IL20RB: variants seen among roughly 807,000 people sequenced by gnomAD.
The protein encoded by IL20RB is interleukin 20 receptor subunit beta, also known as interleukin-20 receptor subunit beta.
Under a neutral mutation model 33.3 loss-of-function variants are expected in IL20RB, and 21 were observed. The ratio of observed to expected loss-of-function variants is 0.63; its 90% CI spans 0.45 to 0.91. IL20RB has a LOEUF of 0.91. Among genes scored for constraint, IL20RB ranks in the 40% least tolerant of loss-of-function variants. The pLI is 0.00. For missense variants in IL20RB, 345 were observed against 384.8 expected, an observed-to-expected ratio of 0.90 and a Z score of 0.86; for synonymous variants, 147 against 146.8, an observed-to-expected ratio of 1.00 and a Z score of -0.01.
At chr3:136,983,779 A>C (rs1941838590) in intron 3 of IL20RB, among the ~76,000 whole-genome samples, 1 of 152,242 alleles carries the variant, frequency 6.6e-6, no homozygotes, top group South Asian at 2.1e-4. Context: ...GCTGGAAATC[A>C]GTCCCTGAGG....
chr3:136,986,632 A>C, intron 3 of IL20RB: 1 of 456,188 alleles, frequency 2.2e-6, no homozygotes. Flanking sequence ...AAGCAGGCAT[A>C]AACACTTCTC....
At chr3:136,993,434 T>A (rs1401026146) in intron 5 of IL20RB, among the ~76,000 whole-genome samples, 1 of 152,212 alleles carries the variant, frequency 6.6e-6, no homozygotes, top group Non-Finnish European at 1.5e-5. Flanking sequence ...CATTCTTTTT[T>A]ATTATACTTT....
intron 6 of IL20RB, among the ~76,000 whole-genome samples, chr3:137,008,471 C>A (rs1461083892): frequency 6.6e-6 from 1 of 152,160 alleles, no homozygotes; most frequent in Non-Finnish European, 1.5e-5. Context: ...TATGAGAAAT[C>A]TCTTGATTTT....
In IL20RB at chr3:137,010,658, G is replaced by C. The variant is rs1933073506; in HGVS notation, c.*435G>C. ...ACAGTCTGACTGATTCAGTGTTTCT[G>C]GAGAGCAGGACATAAATGTATGATG... is the stretch of plus-strand genomic sequence containing the variant. On this transcript the variant is annotated 3_prime_UTR_variant, in exon 7 of 7. Coordinates refer to ENST00000329582, the MANE Select transcript of IL20RB (RefSeq NM_144717.4). 1 of 155,298 alleles carries C rather than the reference G, an allele frequency of 6.4e-6. No homozygotes were observed. The highest frequency in any genetic ancestry group is 6.4e-5 in the Admixed American group (1 of 15,710). 9.6% of individuals were successfully genotyped at this position (155,298 alleles called of 1,614,324 possible).
At chr3:136,960,112 C>T (rs1941175954) in intron 1 of IL20RB, among the ~76,000 whole-genome samples, 2 of 135,394 alleles carry the variant, frequency 1.5e-5, no homozygotes, top group Admixed American at 1.5e-4. Context: ...GTTACTAGAT[C>T]ACTGGGCAGA....
At chr3:136,983,400 C>T (rs950655576) in intron 3 of IL20RB, among the ~76,000 whole-genome samples, 6 of 152,164 alleles carry the variant, frequency 3.9e-5, no homozygotes, top group African/African-American at 1.4e-4. Context: ...CCAGGTCTAT[C>T]TTACAAAGCA....
intron 6 of IL20RB, among the ~76,000 whole-genome samples, chr3:137,001,954 G>T (rs1942252000): frequency 6.6e-6 from 1 of 152,094 alleles, no homozygotes; most frequent in Non-Finnish European, 1.5e-5. Context: ...GCCCCGGTGT[G>T]TGATGTTCCC....
intron 6 of IL20RB, among the ~76,000 whole-genome samples, chr3:137,009,684 C>T (rs1933032885): frequency 6.6e-6 from 1 of 152,106 alleles, no homozygotes; most frequent in Non-Finnish European, 1.5e-5. Context: ...GGACCACAGA[C>T]ATGTGCCACC....
chr3:136,981,806 C>T (rs1300790676), intron 2 of IL20RB, among the ~76,000 whole-genome samples: 2 of 152,140 alleles, frequency 1.3e-5, no homozygotes, highest in Non-Finnish European at 2.9e-5. Flanking sequence ...AGGAGAGAAA[C>T]GTCACAATCT....
At chr3:136,991,799 G>A (rs1375724323) in intron 4 of IL20RB, 139 bp from the exon 5 acceptor site, 8 of 678,176 alleles carry the variant, frequency 1.2e-5, no homozygotes, top group Non-Finnish European at 2.4e-6. Context: ...GTAGAGATGG[G>A]GTGTTTCACC....
At chr3:136,991,246 C>G (rs1942025305) in intron 4 of IL20RB, among the ~76,000 whole-genome samples, 1 of 152,200 alleles carries the variant, frequency 6.6e-6, no homozygotes, top group Non-Finnish European at 1.5e-5. Context: ...ATCAGAGAAG[C>G]CTTCTCTAAC....
intron 1 of IL20RB, among the ~76,000 whole-genome samples, chr3:136,976,318 G>A (rs569452802): frequency 1.3e-5 from 2 of 152,338 alleles, no homozygotes; most frequent in East Asian, 3.9e-4. Context: ...CAGGTCTCAG[G>A]TGGAATGCAT....
intron 6 of IL20RB, among the ~76,000 whole-genome samples, chr3:137,007,175 G>C (rs1326876922): frequency 1.3e-5 from 2 of 152,048 alleles, no homozygotes; most frequent in Non-Finnish European, 2.9e-5. Context: ...TCGCAGAGGG[G>C]CACCTGCCTG....
In IL20RB at chr3:136,989,508, C is replaced by T; in HGVS notation, c.474C>T (p.Asp158=). ...TCCACCTGGTTATTGAGCTGGAGGA[C>T]CTGGGGCCCCAGTTTGAGTTCCTTG... is the stretch of plus-strand genomic sequence containing the variant. ...DGFHLVIELE[D]LGPQFEFLVA... Residue 158 remains aspartate, a synonymous_variant, in exon 4 of 7, where the codon GAC becomes GAT. Coordinates refer to ENST00000329582, the MANE Select transcript of IL20RB (RefSeq NM_144717.4). 1 of 1,614,064 alleles carries T rather than the reference C, an allele frequency of 6.2e-7. No individual in the cohort carries two copies. Among genetic ancestry groups the T allele is most frequent in the Non-Finnish European group, 8.5e-7 (1 of 1,179,968 alleles).
chr3:136,980,607 T>C lies in IL20RB; in HGVS notation c.215+15T>C. The C allele has an allele frequency of 6.2e-7, 1 of 1,613,988 alleles. No individual in the cohort carries two copies. On this transcript the variant is annotated intron_variant, in intron 2 of 6. Coordinates refer to ENST00000329582, the MANE Select transcript of IL20RB (RefSeq NM_144717.4). ...GAATACCAGGGGTGAGTTTTTTCTT[T>C]TAATAGTTCTTCTCCCTTAAGCAGA...
chr3:136,989,295 AT>A, intron 3 of IL20RB, 145 bp from the exon 4 acceptor site: 1 of 833,494 alleles, frequency 1.2e-6, no homozygotes. Context: ...ATTTGTGTAC[AT>A]GTTTCCATGA....
chr3:136,990,825 G>A (rs1303402592), intron 4 of IL20RB, among the ~76,000 whole-genome samples: 1 of 119,938 alleles, frequency 8.3e-6, no homozygotes, highest in Admixed American at 9.3e-5. Flanking sequence ...ACTGGGTTTC[G>A]GTATTTACCC....
intron 2 of IL20RB, among the ~76,000 whole-genome samples, chr3:136,980,805 T>A (rs535065169): frequency 6.6e-6 from 1 of 152,336 alleles, no homozygotes; most frequent in East Asian, 1.9e-4. Flanking sequence ...GGAAGATGAA[T>A]GTGCATAACA....
intron 6 of IL20RB, among the ~76,000 whole-genome samples, chr3:136,999,477 G>A (rs1942198017): frequency 6.6e-6 from 1 of 151,828 alleles, no homozygotes; most frequent in Non-Finnish European, 1.5e-5. Flanking sequence ...GGGCTCAAGT[G>A]ATATCCTTCC....
Sources: allele counts gnomAD v4.1 joint callset (sites outside exome capture counted in the v4.1 genomes callset), GRCh38; gene constraint gnomAD v4.1.1; transcripts MANE v1.5; gene names NCBI Gene and HGNC (gene_info 2026-07-23, HGNC 2026-07-21).